The following ANTXR1 variants were observed in gnomAD, a reference collection of about 807,000 sequenced individuals.
ANTXR1 encodes the protein anthrax toxin receptor 1.
In ANTXR1, 19 loss-of-function variants were observed where a neutral mutation model predicts 78.1. The ratio of observed to expected loss-of-function variants is 0.24; its 90% CI spans 0.17 to 0.36. The LOEUF is 0.36. Among genes scored for constraint, ANTXR1 ranks in the 10% least tolerant of loss-of-function variants. ANTXR1 has a pLI of 1.00. For synonymous variants in ANTXR1, 273 were observed against 260.5 expected, an observed-to-expected ratio of 1.05 and a Z score of -0.46; for missense variants, 518 against 718.6, an observed-to-expected ratio of 0.72 and a Z score of 3.19.
At chr2:69,080,840 C>T (rs1670878167) in intron 8 of ANTXR1, among the ~76,000 whole-genome samples, 1 of 152,114 alleles carries the variant, frequency 6.6e-6, no homozygotes, top group Non-Finnish European at 1.5e-5. Context: ...TGGCAGAGCA[C>T]GGCCCAGTAC....
intron 3 of ANTXR1, among the ~76,000 whole-genome samples, chr2:69,050,117 G>A (rs1669884879): frequency 6.6e-6 from 1 of 151,820 alleles, no homozygotes; most frequent in Non-Finnish European, 1.5e-5. Context: ...AACATAGGGA[G>A]ACCCCATCTC....
chr2:69,021,996 G>A (rs954643228), intron 1 of ANTXR1, among the ~76,000 whole-genome samples: 5 of 152,154 alleles, frequency 3.3e-5, no homozygotes, highest in African/African-American at 9.7e-5. Flanking sequence ...TGAGGTGGGC[G>A]GGGGATTAAA....
chr2:69,209,383 A>T (rs1283977236), intron 17 of ANTXR1, among the ~76,000 whole-genome samples: 2 of 152,226 alleles, frequency 1.3e-5, no homozygotes, highest in Non-Finnish European at 2.9e-5. Context: ...CTGGGAAATT[A>T]TCTTTACAGA....
Position 69,248,482 on chromosome 2 carries a change from G to A in ANTXR1, c.*2997G>A, listed in dbSNP as rs866100191. The A allele has an allele frequency of 6.6e-6, 1 of 152,656 alleles. No homozygotes were observed. Among genetic ancestry groups the A allele is most frequent in the East Asian group, 1.9e-4 (1 of 5,200 alleles). 9.5% of individuals were successfully genotyped at this position (152,656 alleles called of 1,614,324 possible). On this transcript the variant is annotated 3_prime_UTR_variant, in exon 18 of 18. Transcript: ENST00000303714. ...AGAACCTTGATAAGAACCATATTCT[G>A]TTGACAGCCAGCTCACAGTTTCTTG...
At chr2:69,135,577 AAAGT>A (rs1317302432) in intron 12 of ANTXR1, among the ~76,000 whole-genome samples, 1 of 152,176 alleles carries the variant, frequency 6.6e-6, no homozygotes, top group Non-Finnish European at 1.5e-5. Flanking sequence ...ATACCAAAAG[AAAGT>A]TAGTATAGCT....
intron 12 of ANTXR1, among the ~76,000 whole-genome samples, chr2:69,150,935 G>A (rs1453586264): frequency 6.6e-6 from 1 of 151,994 alleles, no homozygotes; most frequent in Non-Finnish European, 1.5e-5. Context: ...GAGATGGGTG[G>A]ATGCCTTGAG....
At chr2:69,083,307 G>A (rs1298088112) in intron 8 of ANTXR1, among the ~76,000 whole-genome samples, 2 of 152,184 alleles carry the variant, frequency 1.3e-5, no homozygotes, top group Admixed American at 6.5e-5. Context: ...CTAGCAGATG[G>A]GGAGGCACAT....
chr2:69,151,190 T>G (rs1194570405), intron 12 of ANTXR1, among the ~76,000 whole-genome samples: 1 of 141,340 alleles, frequency 7.1e-6, no homozygotes, highest in Non-Finnish European at 1.5e-5. Flanking sequence ...TATTTTCTTT[T>G]TTTTTTTTTT....
chr2:69,210,715 C>G (rs928778304), intron 17 of ANTXR1, among the ~76,000 whole-genome samples: 3 of 152,094 alleles, frequency 2.0e-5, no homozygotes, highest in Non-Finnish European at 4.4e-5. Flanking sequence ...AGGGGTGGAT[C>G]ACTTGAGGTC....
intron 13 of ANTXR1, among the ~76,000 whole-genome samples, chr2:69,161,551 G>GTC (rs1673682609): frequency 6.6e-6 from 1 of 152,162 alleles, no homozygotes; most frequent in African/African-American, 2.4e-5. Context: ...CAGTCATGAG[G>GTC]TCTCTATTCA....
chr2:69,103,686 T>A lies in ANTXR1; in HGVS notation c.802+746T>A, dbSNP rs189885330. The A allele has an allele frequency of 2.0e-3, 310 of 156,516 alleles. 1 individual carries two copies. Among genetic ancestry groups the A allele is most frequent in the Admixed American group, 5.1e-3 (80 of 15,616 alleles). 9.7% of individuals were successfully genotyped at this position (156,516 alleles called of 1,614,324 possible). On this transcript the variant is annotated intron_variant, in intron 10 of 17. Coordinates refer to ENST00000303714, the MANE Select transcript of ANTXR1 (RefSeq NM_032208.3). ...TGACCAGGAGAGATGGGGAAGATGA[T>A]TATATGAGGGACAGATGCCAGAAGC...
At chr2:69,047,118 T>C (rs987102677) in intron 3 of ANTXR1, among the ~76,000 whole-genome samples, 5 of 152,178 alleles carry the variant, frequency 3.3e-5, no homozygotes, top group African/African-American at 1.2e-4. Context: ...ACTTCTAGTA[T>C]ATGCAGGTTC....
At chr2:69,179,098 C>G (rs1674207868) in intron 14 of ANTXR1, among the ~76,000 whole-genome samples, 1 of 152,128 alleles carries the variant, frequency 6.6e-6, no homozygotes, top group Non-Finnish European at 1.5e-5. Flanking sequence ...ACATCCACCT[C>G]CAATGTAAAG....
chr2:69,130,501 T>C (rs1222733962), intron 12 of ANTXR1, among the ~76,000 whole-genome samples: 1 of 152,136 alleles, frequency 6.6e-6, no homozygotes, highest in Non-Finnish European at 1.5e-5. Flanking sequence ...ATGGAGGAAT[T>C]AAGAATACAG....
chr2:69,105,495 CT>C (rs745845892), intron 10 of ANTXR1, among the ~76,000 whole-genome samples: 2 of 152,210 alleles, frequency 1.3e-5, no homozygotes, highest in African/African-American at 2.4e-5. Flanking sequence ...AGTAATTCAC[CT>C]GTTCATTTCC....
intron 12 of ANTXR1, chr2:69,145,509 A>G: frequency 6.9e-7 from 1 of 1,457,152 alleles, no homozygotes; most frequent in African/African-American, 1.4e-5. Context: ...AGTTACGCAC[A>G]CTGAGTGCCC....
chr2:69,128,624 C>T (rs978845050), intron 12 of ANTXR1, among the ~76,000 whole-genome samples: 5 of 152,148 alleles, frequency 3.3e-5, no homozygotes, highest in African/African-American at 9.7e-5. Context: ...AAACTCCAGT[C>T]CCCAACCAGG....
At chr2:69,026,500 A>C (rs2104009694) in intron 1 of ANTXR1, among the ~76,000 whole-genome samples, 1 of 152,386 alleles carries the variant, frequency 6.6e-6, no homozygotes, top group Non-Finnish European at 1.5e-5. Context: ...GTCAGTACTC[A>C]GTAAATGTGA....
At chr2:69,204,987 C>A (rs1674861286) in intron 17 of ANTXR1, among the ~76,000 whole-genome samples, 1 of 152,128 alleles carries the variant, frequency 6.6e-6, no homozygotes, top group Non-Finnish European at 1.5e-5. Flanking sequence ...ACATCCTGAG[C>A]TCCCACTCTC....
Sources: gnomAD v4.1 joint callset for allele counts (sites outside exome capture counted in the v4.1 genomes callset) on GRCh38, gnomAD v4.1.1 for gene constraint, MANE v1.5 for transcripts, NCBI Gene and HGNC (gene_info 2026-07-23, HGNC 2026-07-21) for gene names.